Variants in ZZEF1 observed in about 807,000 individuals in gnomAD.
ZZEF1 encodes the protein zinc finger ZZ-type and EF-hand domain-containing protein 1.
ZZEF1 carries 157 observed loss-of-function variants against 342.8 expected under a neutral mutation model. The ratio of observed to expected loss-of-function variants is 0.46; its 90% confidence interval spans 0.40 to 0.52. ZZEF1 has a LOEUF of 0.52. Among genes scored for constraint, ZZEF1 ranks in the 20% least tolerant of loss-of-function variants. The pLI is 0.00. For missense variants in ZZEF1, 3,480 were observed against 3,725.6 expected (o/e 0.93, Z 1.72); for synonymous variants, 1,505 against 1,429.1 (o/e 1.05, Z -1.20).
At chr17:4,060,395 T>C (rs1297208582) in intron 30 of ZZEF1, among the ~76,000 whole-genome samples, 1 of 152,054 alleles carries the variant, frequency 6.6e-6, no homozygotes, top group Non-Finnish European at 1.5e-5. Flanking sequence ...GGAAACCCAG[T>C]GTCTAGTAAA....
chr17:4,042,267 A>G (rs1432868616), intron 39 of ZZEF1, among the ~76,000 whole-genome samples, 162 bp downstream of exon 39: 1 of 152,208 alleles, frequency 6.6e-6, no homozygotes, highest in East Asian at 1.9e-4. Flanking sequence ...ACACATATAT[A>G]TTTACAAAAT....
chr17:4,017,376 C>A lies in ZZEF1; in HGVS notation c.7996G>T (p.Glu2666Ter). Reference sequence around the variant, plus strand: ...AGCTCAGTCTGCATAACTACCTTCTCCCACTCATGCTTTTCTTCCAGCTGC... The same window carrying A: ...AGCTCAGTCTGCATAACTACCTTCTACCACTCATGCTTTTCTTCCAGCTGC... ...FMQLEEKHEW[E>*]KILQKVLQGC... is the part of the protein sequence containing the mutation. Residue 2666 changes from glutamate to a stop codon, truncating the protein, a stop_gained, in exon 48 of 55, where the codon GAG becomes TAG. Coordinates refer to ENST00000381638, the MANE Select transcript of ZZEF1 (RefSeq NM_015113.4). LOFTEE classifies it high-confidence loss of function. This position sits in a 1 kb window ranked among gnomAD's most constrained non-coding sequence, Gnocchi z 5.1. 1 of 1,592,356 alleles carries A rather than the reference C, an allele frequency of 6.3e-7. No individual in the cohort carries two copies. The highest frequency in any genetic ancestry group is 1.1e-5 in the South Asian group (1 of 89,194).
At chr17:4,060,880 A>C (rs1449050299) in intron 30 of ZZEF1, among the ~76,000 whole-genome samples, 3 of 152,112 alleles carry the variant, frequency 2.0e-5, no homozygotes, top group Non-Finnish European at 2.9e-5. Context: ...CCAATCTCTC[A>C]ACTTATACAA....
Position 4,142,800 on chromosome 17 carries a change from G to A in ZZEF1, c.96C>T (p.Gly32=). The change falls in exon 1 of 55, where the codon GGC becomes GGT. Residue 32 remains glycine, a synonymous_variant. Coordinates refer to ENST00000381638, the MANE Select transcript of ZZEF1 (RefSeq NM_015113.4). ...GPHQDWAAVS[G]TTPGPGVAAP... is the part of the protein sequence containing the mutation. ...CCGCGACGCCCGGGCCGGGGGTCGT[G>A]CCCGAGACCGCGGCCCAGTCCTGGT... 7.1e-7 allele frequency: 1 copy of A among 1,408,032 alleles called. No homozygotes were observed. Among genetic ancestry groups the A allele is most frequent in the Non-Finnish European group, 9.1e-7 (1 of 1,093,050 alleles). The allele number at this position is 1,408,032 out of a possible 1,614,324, so 87.2% of individuals were successfully genotyped here. A position where few individuals can be genotyped will look rare whatever the true frequency, so the allele number is the denominator to read the frequency against.
chr17:4,138,273 G>A (rs1036628152), intron 1 of ZZEF1, among the ~76,000 whole-genome samples: 1 of 152,206 alleles, frequency 6.6e-6, no homozygotes, highest in African/African-American at 2.4e-5. Flanking sequence ...AATCACATCT[G>A]CAGATTCCTA....
At chr17:4,089,453 C>T (rs989192291) in intron 12 of ZZEF1, among the ~76,000 whole-genome samples, 1 of 152,196 alleles carries the variant, frequency 6.6e-6, no homozygotes, top group African/African-American at 2.4e-5. Flanking sequence ...CTATTACGTG[C>T]CCTTAAGAGA....
intron 46 of ZZEF1, among the ~76,000 whole-genome samples, chr17:4,019,211 G>T (rs528203246): frequency 6.6e-5 from 10 of 152,250 alleles, no homozygotes; most frequent in African/African-American, 2.4e-4. Context: ...TAGGATACGG[G>T]GGATGGAGGA....
At chr17:4,023,187 G>C (rs1269729036) in intron 43 of ZZEF1, among the ~76,000 whole-genome samples, 1 of 152,152 alleles carries the variant, frequency 6.6e-6, no homozygotes, top group Non-Finnish European at 1.5e-5. Context: ...CTCACTCCGC[G>C]TGTAATGCTC....
intron 52 of ZZEF1, 76 bp from the exon 53 acceptor site, chr17:4,009,833 C>A: frequency 6.6e-7 from 1 of 1,524,364 alleles, no homozygotes; most frequent in Non-Finnish European, 8.9e-7. Context: ...CTGGCAGGAA[C>A]CACAGCTCAG....
chr17:4,092,485 T>C (rs975669297), intron 11 of ZZEF1, among the ~76,000 whole-genome samples: 17 of 151,908 alleles, frequency 1.1e-4, no homozygotes, highest in African/African-American at 4.1e-4. Flanking sequence ...ATTTTTAGTA[T>C]AGATGGGGTT....
At chr17:4,122,099 T>G (rs1298904094) in intron 2 of ZZEF1, among the ~76,000 whole-genome samples, 1 of 150,828 alleles carries the variant, frequency 6.6e-6, no homozygotes, top group East Asian at 1.9e-4. Context: ...AGCTAGAGGG[T>G]CAAGAGCAAT....
chr17:4,019,086 G>A (rs938726079), intron 46 of ZZEF1, among the ~76,000 whole-genome samples: 2 of 151,844 alleles, frequency 1.3e-5, no homozygotes, highest in Admixed American at 1.3e-4. Flanking sequence ...ATGCAACCCT[G>A]CTTCACCTCA....
chr17:4,063,428 A>G (rs1021766102), intron 29 of ZZEF1, among the ~76,000 whole-genome samples: 2 of 152,174 alleles, frequency 1.3e-5, no homozygotes, highest in Non-Finnish European at 2.9e-5. Flanking sequence ...GCCAAATCCA[A>G]ATTTCTCCCT....
In ZZEF1 at chr17:4,009,085, C is replaced by A. The variant is rs1045127030; in HGVS notation, c.8734-131G>T. On this transcript the variant is annotated intron_variant, in intron 53 of 54. Coordinates refer to ENST00000381638, the MANE Select transcript of ZZEF1 (RefSeq NM_015113.4). ...CGGACGCTACTCACGCCGCCCAGCA[C>A]CGCGTGGCACTGCCTTGCTCAGAAC... The A allele has an allele frequency of 1.7e-5, 19 of 1,125,070 alleles. No homozygotes were observed. In the African/African-American group the frequency reaches 1.7e-4, roughly 10 times the overall value. 69.7% of individuals were successfully genotyped at this position (1,125,070 alleles called of 1,614,324 possible).
rs529253643 is a variant in ZZEF1 at position 4,013,450 on chromosome 17, T to C, written c.8578A>G (p.Ser2860Gly). Residue 2860 changes from serine (S) to glycine (G), a missense_variant and splice_region_variant, in exon 52 of 55, where the codon AGT becomes GGT. Physicochemically the swap from Ser to Gly is moderately conservative, Grantham distance 56 (BLOSUM62 0). Coordinates refer to ENST00000381638, the MANE Select transcript of ZZEF1 (RefSeq NM_015113.4). ...LLRIVRCCGHSDLCDLALLKP... is the reference protein window; with the variant it reads ...LLRIVRCCGHGDLCDLALLKP... ...GCTGCCATCCGGGACACCGCTTACC[T>C]GTGGCCGCAGCATCGCACAATCCTC... 9.3e-6 allele frequency: 15 copies of C among 1,606,286 alleles called. No homozygotes were observed. The East Asian group carries it at 3.4e-4, about 36-fold the overall frequency.
intron 2 of ZZEF1, among the ~76,000 whole-genome samples, chr17:4,117,967 C>A (rs2058425535): frequency 6.6e-6 from 1 of 152,136 alleles, no homozygotes; most frequent in Non-Finnish European, 1.5e-5. Flanking sequence ...ATCATTCCAT[C>A]CTCACAGTAA....
intron 39 of ZZEF1, among the ~76,000 whole-genome samples, chr17:4,035,999 C>G (rs1423740186): frequency 1.3e-5 from 2 of 148,560 alleles, no homozygotes; most frequent in Non-Finnish European, 3.0e-5. Context: ...ACTCAGGAGG[C>G]TGAGACAGGA....
At chr17:4,045,208 CCTCT>C (rs2056888821) in intron 37 of ZZEF1, among the ~76,000 whole-genome samples, 1 of 152,078 alleles carries the variant, frequency 6.6e-6, no homozygotes. Context: ...TCCAAATGTC[CCTCT>C]GTCAGAGCCT....
Position 4,105,752 on chromosome 17 carries a change from T to C in ZZEF1, c.1335A>G (p.Ser445=). 6.2e-7 allele frequency: 1 copy of C among 1,613,272 alleles called. No individual in the cohort carries two copies. The change falls in exon 7 of 55, where the codon TCA becomes TCG. Residue 445 remains serine (S), a synonymous_variant. Transcript: ENST00000381638. ...LSLSPGSTDF[S]TFLSPNVLEE... ...CCAGCACATTAGGGGAGAGGAAAGTTGAGAAATCTGTAGATCCTGGTGAGA... is the reference window on the plus strand; with the variant it reads ...CCAGCACATTAGGGGAGAGGAAAGTCGAGAAATCTGTAGATCCTGGTGAGA...
Sources: allele counts gnomAD v4.1 joint callset (sites outside exome capture counted in the v4.1 genomes callset), GRCh38; gene constraint gnomAD v4.1.1; non-coding constraint Gnocchi (gnomAD v3.1); transcripts MANE v1.5; gene names NCBI Gene and HGNC (gene_info 2026-07-23, HGNC 2026-07-21).